PTPRD: variants seen among roughly 807,000 people sequenced by gnomAD.
PTPRD encodes the protein receptor-type tyrosine-protein phosphatase delta.
A neutral mutation model predicts 214.5 loss-of-function variants in PTPRD; 34 were observed. The observed-to-expected ratio is 0.16, with a 90% CI of 0.12 to 0.21. PTPRD has a LOEUF of 0.21. PTPRD is among the 10% of genes least tolerant of loss of function. The pLI, the probability that PTPRD is intolerant of heterozygous loss-of-function variation, is 1.00. For missense variants in PTPRD, 2,545 were observed against 2,398.7 expected (o/e 1.06, Z -1.27); for synonymous variants, 1,128 against 845.7 (o/e 1.33, Z -5.79).
intron 10 of PTPRD, among the ~76,000 whole-genome samples, chr9:9,061,272 G>T (rs970541158): frequency 6.6e-6 from 1 of 152,172 alleles, no homozygotes; most frequent in Admixed American, 6.5e-5. Flanking sequence ...CAAAGCATGT[G>T]AATGGAATTG....
At chr9:9,934,992 T>C (rs2088597470) in intron 5 of PTPRD, among the ~76,000 whole-genome samples, 1 of 152,178 alleles carries the variant, frequency 6.6e-6, no homozygotes, top group East Asian at 1.9e-4. Context: ...ATTATCTCAA[T>C]AGATACAGAA....
intron 3 of PTPRD, among the ~76,000 whole-genome samples, chr9:10,315,770 C>T (rs1033206000): frequency 1.3e-5 from 2 of 151,902 alleles, no homozygotes; most frequent in Admixed American, 6.6e-5. Context: ...AAGAATTAAC[C>T]TTCCTTTGGC....
intron 35 of PTPRD, among the ~76,000 whole-genome samples, chr9:8,423,157 C>T (rs2094464166): frequency 6.6e-6 from 1 of 152,076 alleles, no homozygotes; most frequent in Admixed American, 6.6e-5. Context: ...AGAATTTCAG[C>T]AAGAGAGAAA....
chr9:10,340,333 T>C (rs994632073), intron 3 of PTPRD, among the ~76,000 whole-genome samples: 2 of 151,940 alleles, frequency 1.3e-5, no homozygotes, highest in South Asian at 2.1e-4. Flanking sequence ...CTTTACAGCA[T>C]ATACAGGGTC....
chr9:8,804,187 A>C (rs2096627805), intron 11 of PTPRD, among the ~76,000 whole-genome samples: 3 of 152,086 alleles, frequency 2.0e-5, no homozygotes. Context: ...TCCTGACCTC[A>C]AGTGATCCAT....
intron 6 of PTPRD, among the ~76,000 whole-genome samples, chr9:9,742,792 T>C (rs1596489302): frequency 1.3e-5 from 2 of 152,276 alleles, no homozygotes; most frequent in East Asian, 3.9e-4. Flanking sequence ...CTAGCTTCTT[T>C]TGACCAAGAT....
At chr9:8,439,809 T>C (rs186803689) in intron 34 of PTPRD, among the ~76,000 whole-genome samples, 1 of 149,500 alleles carries the variant, frequency 6.7e-6, no homozygotes, top group Non-Finnish European at 1.5e-5. Flanking sequence ...CTAAGAAAAC[T>C]ATGAATTTGA....
At chr9:9,723,522 C>T (rs957238922) in intron 7 of PTPRD, among the ~76,000 whole-genome samples, 1 of 151,982 alleles carries the variant, frequency 6.6e-6, no homozygotes, top group Non-Finnish European at 1.5e-5. Flanking sequence ...CTTGACAATG[C>T]CATGTGAATT....
intron 10 of PTPRD, among the ~76,000 whole-genome samples, chr9:9,145,992 C>A (rs769671325): frequency 1.3e-5 from 2 of 152,174 alleles, no homozygotes; most frequent in African/African-American, 4.8e-5. Context: ...TGCCTGATGG[C>A]GCTTTGACCT....
intron 2 of PTPRD, among the ~76,000 whole-genome samples, chr9:10,518,579 C>T (rs941204933): frequency 5.9e-5 from 9 of 151,600 alleles, no homozygotes; most frequent in Admixed American, 5.9e-4. Context: ...GTCACCCAGG[C>T]TGGAGTGCAG....
intron 9 of PTPRD, among the ~76,000 whole-genome samples, chr9:9,280,078 C>T (rs1004325986): frequency 9.3e-5 from 14 of 151,288 alleles, no homozygotes; most frequent in Non-Finnish European, 1.9e-4. Context: ...AAGTGTGGTA[C>T]TATAAGGGGC....
At chr9:8,967,734 T>C (rs941006955) in intron 11 of PTPRD, among the ~76,000 whole-genome samples, 1 of 152,162 alleles carries the variant, frequency 6.6e-6, no homozygotes, top group Non-Finnish European at 1.5e-5. Context: ...GCAACATTTA[T>C]ACAATGCTCA....
intron 3 of PTPRD, among the ~76,000 whole-genome samples, chr9:10,214,259 A>G (rs2099530343): frequency 6.6e-6 from 1 of 151,694 alleles, no homozygotes; most frequent in South Asian, 2.1e-4. Context: ...TTCATTTGCA[A>G]TTAATTCTTT....
chr9:9,669,859 A>G (rs776313204), intron 7 of PTPRD, among the ~76,000 whole-genome samples: 10 of 152,142 alleles, frequency 6.6e-5, no homozygotes, highest in Admixed American at 1.3e-4. Flanking sequence ...ACAAATGTCA[A>G]TGATTATAGC....
At chr9:8,825,056 A>T (rs188291821) in intron 11 of PTPRD, among the ~76,000 whole-genome samples, 6 of 152,296 alleles carry the variant, frequency 3.9e-5, no homozygotes, top group Admixed American at 3.9e-4. Context: ...AATTTTAGAT[A>T]AGACTTTTTT....
At chr9:9,369,573 T>C (rs1255996974) in intron 9 of PTPRD, among the ~76,000 whole-genome samples, 1 of 152,168 alleles carries the variant, frequency 6.6e-6, no homozygotes, top group East Asian at 1.9e-4. Context: ...CTGTTCACTC[T>C]GATGATAGTT....
At chr9:10,420,193 C>T (rs2098533105) in intron 2 of PTPRD, among the ~76,000 whole-genome samples, 1 of 151,726 alleles carries the variant, frequency 6.6e-6, no homozygotes, top group Admixed American at 6.6e-5. Flanking sequence ...GTCAAGAATT[C>T]TTCTAAACAA....
Position 8,484,207 on chromosome 9 carries a change from G to A in PTPRD, c.3325C>T (p.Arg1109Cys), listed in dbSNP as rs773612496. Residue 1109 changes from arginine (R) to cysteine (C), a missense_variant, in exon 30 of 46, where the codon CGT (arginine) becomes TGT (cysteine). Physicochemically the swap from Arg to Cys is radical, Grantham distance 180. Coordinates refer to ENST00000381196, the MANE Select transcript of PTPRD (RefSeq NM_002839.4). The part of the protein sequence containing the change: ...VTAKTAPDVL[R>C]TKPAFIGKTN... ...TTCCCAATGAAGGCAGGCTTGGTAC[G>A]TAATACATCTGGTGCAGTCTTTGCC... 5 of 1,614,146 alleles carry A rather than the reference G, an allele frequency of 3.1e-6. No homozygotes were observed. The highest frequency in any genetic ancestry group is 1.6e-4 in the Middle Eastern group (1 of 6,062).
At chr9:8,867,130 G>A (rs1034540602) in intron 11 of PTPRD, among the ~76,000 whole-genome samples, 12 of 152,144 alleles carry the variant, frequency 7.9e-5, no homozygotes, top group Non-Finnish European at 1.5e-4. Context: ...CCAATATGAA[G>A]AACAACAGAT....
Sources: allele counts gnomAD v4.1 joint callset (sites outside exome capture counted in the v4.1 genomes callset), GRCh38; gene constraint gnomAD v4.1.1; transcripts MANE v1.5; gene names NCBI Gene and HGNC (gene_info 2026-07-23, HGNC 2026-07-21).